XPA: variants seen among roughly 807,000 people sequenced by gnomAD.
The protein encoded by XPA is DNA repair protein complementing XP-A cells.
A neutral mutation model predicts 35.7 loss-of-function variants in XPA; 27 were observed. The ratio of observed to expected loss-of-function variants is 0.76; its 90% CI spans 0.56 to 1.04. The LOEUF (loss-of-function observed/expected upper bound fraction) is 1.04, where lower values mean the gene tolerates loss of function less well. Among genes scored for constraint, XPA ranks in the 50% least tolerant of loss-of-function variants. The pLI is 0.00. For missense variants in XPA, 354 were observed against 342.7 expected, an observed-to-expected ratio of 1.03 and a Z score of -0.26; for synonymous variants, 133 against 118.4, an observed-to-expected ratio of 1.12 and a Z score of -0.80.
chr9:97,686,103 A>G (rs3176684), intron 4 of XPA, among the ~76,000 whole-genome samples: 1 of 152,254 alleles, frequency 6.6e-6, no homozygotes, highest in Non-Finnish European at 1.5e-5. Context: ...ATTTAATGAA[A>G]TTCAGTACAC....
chr9:97,657,885 G>GCTCT, the XPA span, among the ~76,000 whole-genome samples: 1,842 of 113,896 alleles, frequency 0.016, 42 homozygotes, highest in African/African-American at 0.027. Flanking sequence ...GCCCCGGTAA[G>GCTCT]CTCTCTCTCT....
chr9:97,671,152 C>A (rs142212526), downstream of XPA: 330 of 1,613,608 alleles, frequency 2.0e-4, no homozygotes, highest in Non-Finnish European at 2.5e-4. Context: ...TGAATTAGAC[C>A]CTCATATCTT....
the XPA span, chr9:97,666,731 C>T: frequency 1.4e-6 from 2 of 1,380,786 alleles, no homozygotes; most frequent in Non-Finnish European, 1.0e-6. Context: ...CATAGCTTGA[C>T]ATACAGTAAC....
intron 1 of XPA, among the ~76,000 whole-genome samples, chr9:97,696,563 G>C (rs1249304250): frequency 6.6e-6 from 1 of 152,142 alleles, no homozygotes; most frequent in Admixed American, 6.6e-5. Flanking sequence ...TCTGATTGCT[G>C]AATCTCCTCT....
chr9:97,678,718 AT>A (rs1293502107), intron 5 of XPA, among the ~76,000 whole-genome samples: 1 of 152,164 alleles, frequency 6.6e-6, no homozygotes, highest in Non-Finnish European at 1.5e-5. Context: ...GGGGGATACA[AT>A]TTCTTTTTGC....
chr9:97,668,721 G>C, the XPA span: 1 of 1,028,604 alleles, frequency 9.7e-7, no homozygotes, highest in African/African-American at 1.7e-5. Flanking sequence ...GGGGTGGGGG[G>C]GTACTTTCAC....
At chr9:97,695,805 TGGTG>T (rs1390697547) in intron 1 of XPA, among the ~76,000 whole-genome samples, 1 of 152,176 alleles carries the variant, frequency 6.6e-6, no homozygotes, top group Non-Finnish European at 1.5e-5. Context: ...TCTTGAAACA[TGGTG>T]GGTTGTACAC....
intron 1 of XPA, among the ~76,000 whole-genome samples, chr9:97,696,545 T>C (rs1829048904): frequency 6.6e-6 from 1 of 152,188 alleles, no homozygotes; most frequent in South Asian, 2.1e-4. Flanking sequence ...GATTGCTGAG[T>C]AGGAGATTCT....
intron 4 of XPA, 46 bp from the exon 5 acceptor site, chr9:97,685,086 C>T (rs377335138): frequency 5.3e-5 from 81 of 1,522,856 alleles, no homozygotes; most frequent in African/African-American, 3.4e-4. Context: ...TTCAGACTTG[C>T]GAAATATTAT....
downstream of XPA, chr9:97,674,847 A>C (rs1828299953): frequency 2.5e-6 from 1 of 402,376 alleles, no homozygotes; most frequent in African/African-American, 2.1e-5. Flanking sequence ...CCAGCATTTA[A>C]AAAGCTATCT....
At chr9:97,664,317 C>T in the XPA span, 1 of 1,457,332 alleles carries the variant, frequency 6.9e-7, no homozygotes, top group Non-Finnish European at 9.6e-7. Flanking sequence ...GTGTGATTTA[C>T]TTGAATAATT....
the XPA span, among the ~76,000 whole-genome samples, chr9:97,667,914 G>A: frequency 1.3e-5 from 2 of 152,216 alleles, no homozygotes; most frequent in African/African-American, 4.8e-5. Context: ...TTACCTTTGA[G>A]TGGTGTTAGG....
the XPA span, chr9:97,669,098 A>G: frequency 8.6e-7 from 1 of 1,168,896 alleles, no homozygotes. Context: ...GATTAAAAAT[A>G]CAAAAATTTA....
intron 4 of XPA, 97 bp from the exon 5 acceptor site, chr9:97,685,137 AACTC>A (rs1828675675): frequency 1.1e-6 from 1 of 894,386 alleles, no homozygotes; most frequent in South Asian, 1.6e-5. Flanking sequence ...AGAATGATCT[AACTC>A]AAGTATAAAT....
chr9:97,676,408 A>ACTT (rs1260940870), intron 5 of XPA, among the ~76,000 whole-genome samples: 1 of 152,216 alleles, frequency 6.6e-6, no homozygotes, highest in African/African-American at 2.4e-5. Flanking sequence ...AAAAAGCAAC[A>ACTT]CTTTACACTT....
intron 5 of XPA, among the ~76,000 whole-genome samples, chr9:97,682,651 G>A (rs1828581997): frequency 6.6e-6 from 1 of 152,040 alleles, no homozygotes; most frequent in Non-Finnish European, 1.5e-5. Context: ...CAAATAACAA[G>A]CGAACTGAAA....
downstream of XPA, chr9:97,671,580 G>T (rs1828195298): frequency 6.3e-6 from 1 of 158,380 alleles, no homozygotes; most frequent in Non-Finnish European, 1.4e-5. Flanking sequence ...ACTTTTCACA[G>T]CTCGGGGATG....
At chr9:97,677,999 A>C (rs1828419655) in intron 5 of XPA, among the ~76,000 whole-genome samples, 1 of 152,232 alleles carries the variant, frequency 6.6e-6, no homozygotes, top group Non-Finnish European at 1.5e-5. Flanking sequence ...TGAAATTTTA[A>C]AACTGGATGT....
the XPA span, chr9:97,669,016 C>T: frequency 1.3e-6 from 2 of 1,523,510 alleles, no homozygotes; most frequent in African/African-American, 1.4e-5. Flanking sequence ...GGAAACAATA[C>T]ATTTCTTTAG....
Sources: allele counts gnomAD v4.1 joint callset (sites outside exome capture counted in the v4.1 genomes callset), GRCh38; gene constraint gnomAD v4.1.1; transcripts MANE v1.5; gene names NCBI Gene and HGNC (gene_info 2026-07-23, HGNC 2026-07-21).